Variants in ASS1 observed in about 807,000 individuals in gnomAD.
The protein encoded by ASS1 is argininosuccinate synthase 1.
Under a neutral mutation model 60.5 loss-of-function variants are expected in ASS1, and 58 were observed. That is an observed-to-expected ratio of 0.96 (90% CI 0.78 to 1.19). The LOEUF (loss-of-function observed/expected upper bound fraction) is 1.19. Among genes scored for constraint, ASS1 ranks in the 50% most tolerant of loss-of-function variants. The pLI, the probability that ASS1 is intolerant of heterozygous loss-of-function variation, is 0.00. For missense variants in ASS1, 454 were observed against 547.3 expected, an observed-to-expected ratio of 0.83 and a Z score of 1.70; for synonymous variants, 200 against 206.9, an observed-to-expected ratio of 0.97 and a Z score of 0.29.
intron 11 of ASS1, among the ~76,000 whole-genome samples, chr9:130,482,355 C>G (rs1256725518): frequency 6.6e-6 from 1 of 151,402 alleles, no homozygotes; most frequent in Non-Finnish European, 1.5e-5. Context: ...AGTATTGCAC[C>G]TGTCTTATCA....
At chr9:130,462,326 TATC>T (rs1342458601) in intron 4 of ASS1, among the ~76,000 whole-genome samples, 7 of 152,126 alleles carry the variant, frequency 4.6e-5, no homozygotes, top group Non-Finnish European at 1.0e-4. Context: ...TGTGCACAAA[TATC>T]AGCATGCGGA....
At chr9:130,486,687 C>T (rs1357920990) in intron 11 of ASS1, among the ~76,000 whole-genome samples, 1 of 152,196 alleles carries the variant, frequency 6.6e-6, no homozygotes, top group East Asian at 1.9e-4. Context: ...GCTGCAGCCC[C>T]CACCAATGAA....
chr9:130,474,054 T>TCCCC (rs1845947269), intron 8 of ASS1, among the ~76,000 whole-genome samples: 6 of 6,044 alleles, frequency 9.9e-4, no homozygotes, highest in Non-Finnish European at 1.1e-3. Flanking sequence ...CTCTCTTCCC[T>TCCCC]CCCCCGCACC....
Position 130,470,055 on chromosome 9 carries a change from C to A in ASS1, c.496-779C>A, listed in dbSNP as rs1285877211. Among the ~76,000 whole-genome samples, 1 of 152,158 alleles carries A rather than the reference C, an allele frequency of 6.6e-6. No homozygotes were observed. The highest frequency in any genetic ancestry group is 2.4e-5 in the African/African-American group (1 of 41,440). On this transcript the variant is annotated intron_variant, in intron 6 of 14. Transcript: ENST00000352480. The surrounding 1 kb of genome is among the most constrained non-coding windows in gnomAD (Gnocchi z 4.3). ...GCAGGAGGAGGCTGGAGTGCACGAG[C>A]TGGATTCCAGTCGGGCGTCATCAAG... is the stretch of plus-strand genomic sequence containing the variant.
chr9:130,467,560 C>T (rs1180058519), intron 6 of ASS1, among the ~76,000 whole-genome samples: 5 of 152,130 alleles, frequency 3.3e-5, no homozygotes, highest in East Asian at 1.9e-4. Context: ...GCGGCAGGGA[C>T]GCAGCCCTGC....
chr9:130,467,771 C>T (rs1378136340), intron 6 of ASS1, among the ~76,000 whole-genome samples: 1 of 152,156 alleles, frequency 6.6e-6, no homozygotes, highest in Non-Finnish European at 1.5e-5. Flanking sequence ...GAATATGAAG[C>T]GTGTTTCATC....
intron 3 of ASS1, among the ~76,000 whole-genome samples, chr9:130,455,160 TTCATCCTTCC>T (rs1038991177): frequency 1.7e-4 from 25 of 144,198 alleles, no homozygotes; most frequent in Non-Finnish European, 3.4e-4. Flanking sequence ...TCCATCATTC[TTCATCCTTCC>T]ATGCATCATC....
chr9:130,486,829 G>T (rs961304593), intron 11 of ASS1, among the ~76,000 whole-genome samples: 1 of 152,220 alleles, frequency 6.6e-6, no homozygotes, highest in Non-Finnish European at 1.5e-5. Flanking sequence ...CCCCAGAGAG[G>T]TTCCCTTCTG....
At chr9:130,456,501 C>T (rs1845453972) in intron 3 of ASS1, among the ~76,000 whole-genome samples, 2 of 152,170 alleles carry the variant, frequency 1.3e-5, no homozygotes, top group African/African-American at 4.8e-5. Flanking sequence ...AACACAAAAA[C>T]ACATTTATCC....
At chr9:130,474,463 G>T (rs3780588) in intron 8 of ASS1, among the ~76,000 whole-genome samples, 29,293 of 152,082 alleles carry the variant, frequency 0.19, 3,270 homozygotes, top group East Asian at 0.41. Flanking sequence ...GTCGGGCCCA[G>T]CGCAGGTGGA....
chr9:130,459,852 C>A lies in ASS1; in HGVS notation c.363+1263C>A, dbSNP rs999865571. Among the ~76,000 whole-genome samples, 2 of 152,252 alleles carry A rather than the reference C, an allele frequency of 1.3e-5. No individual in the cohort carries two copies. The highest frequency in any genetic ancestry group is 2.9e-5 in the Non-Finnish European group (2 of 68,046). ...CAACCCATCCCGTACCCCTTCCCTC[C>A]GGGCCGTGTGTCCCAGTGCAGACTG... On this transcript the variant is annotated intron_variant, in intron 4 of 14. Coordinates refer to ENST00000352480, the MANE Select transcript of ASS1 (RefSeq NM_054012.4). The surrounding 1 kb of genome is among the most constrained non-coding windows in gnomAD (Gnocchi z 4.6).
At chr9:130,467,196 C>T (rs117337874) in intron 6 of ASS1, among the ~76,000 whole-genome samples, 5 of 152,254 alleles carry the variant, frequency 3.3e-5, no homozygotes, top group African/African-American at 7.2e-5. Context: ...GGGATGTGAT[C>T]GGGAGCTGTT....
At chr9:130,483,818 T>TCC (rs1846232883) in intron 11 of ASS1, among the ~76,000 whole-genome samples, 1 of 35,412 alleles carries the variant, frequency 2.8e-5, no homozygotes, top group African/African-American at 1.8e-4. Flanking sequence ...CTCCTTCCCC[T>TCC]CTTCCCTCCC....
chr9:130,463,247 G>A (rs967094577), intron 4 of ASS1, among the ~76,000 whole-genome samples: 15 of 152,252 alleles, frequency 9.9e-5, no homozygotes, highest in African/African-American at 3.6e-4. Context: ...CCGAGCCCAC[G>A]GGGAAGCAGG....
chr9:130,448,415 T>TGTGC (rs1337471756), intron 1 of ASS1, among the ~76,000 whole-genome samples: 12 of 135,650 alleles, frequency 8.8e-5, no homozygotes, highest in Admixed American at 1.4e-4. Context: ...CACAGGTGTG[T>TGTGC]GCGCGCGCAC....
chr9:130,470,965 C>CT lies in ASS1; in HGVS notation c.566+61_566+62insT. The CT allele has an allele frequency of 6.4e-7, 1 of 1,567,542 alleles. No individual in the cohort carries two copies. Among genetic ancestry groups the CT allele is most frequent in the Non-Finnish European group, 8.8e-7 (1 of 1,139,092 alleles). ...GGGCTCATTCCAAAGGACGGCCACGCGCTGCCCCAGGACGTCCTGGTGACC... is the reference window on the plus strand; with the variant it reads ...GGGCTCATTCCAAAGGACGGCCACGCTGCTGCCCCAGGACGTCCTGGTGACC... On this transcript the variant is annotated intron_variant, in intron 7 of 14. Transcript: ENST00000352480. This position sits in a 1 kb window ranked among gnomAD's most constrained non-coding sequence, Gnocchi z 4.3.
At chr9:130,452,129 T>G in intron 1 of ASS1, 95 bp from the exon 2 acceptor site, 1 of 1,092,162 alleles carries the variant, frequency 9.2e-7, no homozygotes, top group Non-Finnish European at 1.4e-6. Flanking sequence ...GACAAGGCTG[T>G]CCAAGGCCAA....
In ASS1 at chr9:130,477,852, G is replaced by A. The variant is rs945559239; in HGVS notation, c.688+891G>A. On this transcript the variant is annotated intron_variant, in intron 9 of 14. Transcript: ENST00000352480. The surrounding 1 kb of genome is among the most constrained non-coding windows in gnomAD (Gnocchi z 4.2). ...GCCCACACTGGAGCTGGGATGAGAG[G>A]GAGAGAGGCTCGTGGAGAGGCCTGG... Among the ~76,000 whole-genome samples the A allele has an allele frequency of 6.6e-6, 1 of 152,222 alleles. No individual in the cohort carries two copies. The highest frequency in any genetic ancestry group is 1.5e-5 in the Non-Finnish European group (1 of 68,030).
chr9:130,461,476 A>G (rs1052730911), intron 4 of ASS1, among the ~76,000 whole-genome samples: 2 of 152,144 alleles, frequency 1.3e-5, no homozygotes, highest in Non-Finnish European at 2.9e-5. Context: ...ACGCCCCCCA[A>G]GCTAGTGCTA....
Sources: allele counts gnomAD v4.1 joint callset (sites outside exome capture counted in the v4.1 genomes callset), GRCh38; gene constraint gnomAD v4.1.1; non-coding constraint Gnocchi (gnomAD v3.1); transcripts MANE v1.5; gene names NCBI Gene and HGNC (gene_info 2026-07-23, HGNC 2026-07-21).